Variants in WWOX observed in about 807,000 individuals in gnomAD.
The protein encoded by WWOX is WW domain-containing oxidoreductase.
A neutral mutation model predicts 46.2 loss-of-function variants in WWOX; 69 were observed. The ratio of observed to expected loss-of-function variants is 1.49; its 90% confidence interval spans 1.23 to 1.82. WWOX has a LOEUF of 1.82. WWOX is among the 40% of genes most tolerant of loss of function. The probability of loss-of-function intolerance (pLI) is 0.00; values close to 1 mark genes in which losing one functional copy is unlikely to be tolerated. For synonymous variants in WWOX, 359 were observed against 202.6 expected (o/e 1.77, Z -6.56); for missense variants, 919 against 542.6 (o/e 1.69, Z -6.89).
chr16:78,658,774 G>C (rs1369131261), intron 8 of WWOX, among the ~76,000 whole-genome samples: 1 of 151,966 alleles, frequency 6.6e-6, no homozygotes, highest in East Asian at 1.9e-4. Flanking sequence ...AGTTGCATCT[G>C]TGAAGATTCC....
At chr16:78,310,096 A>C (rs1161503437) in intron 5 of WWOX, among the ~76,000 whole-genome samples, 1 of 147,768 alleles carries the variant, frequency 6.8e-6, no homozygotes, top group African/African-American at 2.5e-5. Flanking sequence ...TCTTTCTATC[A>C]TCATCCATAG....
chr16:78,734,841 CTTTTTTTTTTTTTTTTTTTTT>C lies in WWOX; in HGVS notation c.1056+302111_1056+302131del, dbSNP rs60560119. On this transcript the variant is annotated intron_variant, in intron 8 of 8. Transcript: ENST00000566780. ...GATGACTCAGGTGGGGACTTCAGTC[CTTTTTTTTTTTTTTTTTTTTT>C]TTTTTTTTTTTTTTTTTTTTTGAGA... Among the ~76,000 whole-genome samples, 124 of 40,118 alleles carry C rather than the reference CTTTTTTTTTTTTTTTTTTTTT, an allele frequency of 3.1e-3. 1 individual carries two copies. The South Asian group carries it at 0.058, about 19-fold the overall frequency. The allele number at this position is 40,118 out of a possible 152,430, so 26.3% of individuals were successfully genotyped here.
intron 8 of WWOX, among the ~76,000 whole-genome samples, chr16:78,750,451 T>C (rs567447489): frequency 6.6e-6 from 1 of 152,326 alleles, no homozygotes; most frequent in South Asian, 2.1e-4. Flanking sequence ...CATTTATTTA[T>C]CATGTGTAAG....
intron 8 of WWOX, among the ~76,000 whole-genome samples, chr16:78,870,049 C>G (rs891086129): frequency 1.3e-5 from 2 of 152,204 alleles, no homozygotes; most frequent in Admixed American, 6.5e-5. Flanking sequence ...CTTCCATCAA[C>G]TACAAATCAT....
intron 5 of WWOX, among the ~76,000 whole-genome samples, chr16:78,202,246 G>C (rs2151776932): frequency 1.3e-5 from 2 of 152,292 alleles, no homozygotes; most frequent in Admixed American, 1.3e-4. Context: ...TTACTGACGT[G>C]GAAGAGTTGT....
At chr16:78,249,885 A>C (rs2037934865) in intron 5 of WWOX, among the ~76,000 whole-genome samples, 1 of 152,192 alleles carries the variant, frequency 6.6e-6, no homozygotes, top group African/African-American at 2.4e-5. Flanking sequence ...CACCAGAAGG[A>C]GAAATGGGAG....
intron 8 of WWOX, chr16:78,825,599 A>G: frequency 1.9e-6 from 1 of 530,010 alleles, no homozygotes; most frequent in Non-Finnish European, 3.8e-6. Context: ...TGCAGTACAA[A>G]CTCCTAGGAG....
chr16:78,424,994 C>G lies in WWOX; in HGVS notation c.730C>G (p.Gln244Glu), dbSNP rs752354290. The G allele has an allele frequency of 4.3e-6, 7 of 1,614,028 alleles. No homozygotes were observed. The highest frequency in any genetic ancestry group is 5.9e-6 in the Non-Finnish European group (7 of 1,180,034). ...GCACTTCTACCTTGTCCAGCTCCTC[C>G]AGGATGTTTTGTGCCGCTCAGCTCC... ...LGHFYLVQLL[Q>E]DVLCRSAPAR... The change falls in exon 7 of 9, where the codon CAG becomes GAG. Residue 244 changes from glutamine (Q) to glutamate (E), a missense_variant. Coordinates refer to ENST00000566780, the MANE Select transcript of WWOX (RefSeq NM_016373.4).
intron 5 of WWOX, among the ~76,000 whole-genome samples, chr16:78,182,278 G>C (rs565137679): frequency 6.6e-5 from 10 of 152,248 alleles, no homozygotes; most frequent in African/African-American, 2.4e-4. Context: ...GGTACCTAGC[G>C]TGTGCTTTCC....
At chr16:78,679,897 C>T (rs950688655) in intron 8 of WWOX, among the ~76,000 whole-genome samples, 1 of 152,168 alleles carries the variant, frequency 6.6e-6, no homozygotes, top group African/African-American at 2.4e-5. Flanking sequence ...GCAGCAGCTT[C>T]CCAGACACTC....
chr16:78,758,953 A>G (rs575216269), intron 8 of WWOX, among the ~76,000 whole-genome samples: 58 of 151,242 alleles, frequency 3.8e-4, no homozygotes, highest in African/African-American at 1.4e-3. Flanking sequence ...AAAAAAAAAC[A>G]AAAAACCTTC....
Position 78,888,662 on chromosome 16 carries a change from G to C in WWOX, c.1057-322946G>C, listed in dbSNP as rs147084497. Among the ~76,000 whole-genome samples, 1,271 of 152,240 alleles carry C rather than the reference G, an allele frequency of 8.3e-3. 19 individuals are homozygous for C. The highest frequency in any genetic ancestry group is 0.029 in the African/African-American group (1,221 of 41,534). On this transcript the variant is annotated intron_variant, in intron 8 of 8. Transcript: ENST00000566780. ...ACTTATTTTTATGTTGCCACTAGGA[G>C]TCTTCTGAGATGCTCTTGTGGCTGG...
chr16:78,386,936 A>G lies in WWOX; in HGVS notation c.593A>G (p.Lys198Arg). Residue 198 changes from lysine (K) to arginine (R), a missense_variant, in exon 6 of 9, where the codon AAG (lysine) becomes AGG (arginine). By Grantham distance (26) the Lys-to-Arg change is conservative (BLOSUM62 2). Transcript: ENST00000566780. ...RSVQHFAEAFKAKNVPLHVLV... is the reference protein window; with the variant it reads ...RSVQHFAEAFRAKNVPLHVLV... ...GTGCAGCATTTTGCTGAAGCATTCAAGGCCAAGAATGTGTGAGTGTTCCAG... is the reference window on the plus strand; with the variant it reads ...GTGCAGCATTTTGCTGAAGCATTCAGGGCCAAGAATGTGTGAGTGTTCCAG... The G allele has an allele frequency of 6.2e-7, 1 of 1,614,104 alleles. No homozygotes were observed. Among genetic ancestry groups the G allele is most frequent in the Non-Finnish European group, 8.5e-7 (1 of 1,179,966 alleles).
chr16:79,096,749 T>G (rs2049082707), intron 8 of WWOX, among the ~76,000 whole-genome samples: 1 of 152,194 alleles, frequency 6.6e-6, no homozygotes. Context: ...TTCACCTGTT[T>G]TGTTTATGCC....
chr16:78,972,722 C>G (rs1031291919), intron 8 of WWOX, among the ~76,000 whole-genome samples: 1 of 152,204 alleles, frequency 6.6e-6, no homozygotes, highest in African/African-American at 2.4e-5. Flanking sequence ...TCAGGTCACC[C>G]AAGACTCCCA....
intron 8 of WWOX, among the ~76,000 whole-genome samples, chr16:79,066,226 G>T (rs1334033148): frequency 6.6e-6 from 1 of 152,068 alleles, no homozygotes; most frequent in Non-Finnish European, 1.5e-5. Context: ...TTCCAGAGAG[G>T]CCTCCCTTAA....
intron 8 of WWOX, among the ~76,000 whole-genome samples, chr16:78,701,501 A>C (rs908384473): frequency 2.7e-5 from 4 of 150,746 alleles, no homozygotes; most frequent in African/African-American, 7.3e-5. Flanking sequence ...ACCTCTCTCT[A>C]CCTCTATCTC....
intron 8 of WWOX, among the ~76,000 whole-genome samples, chr16:78,730,863 C>G (rs960948767): frequency 7.2e-5 from 11 of 152,036 alleles, no homozygotes; most frequent in African/African-American, 2.7e-4. Flanking sequence ...CACCAGGAAT[C>G]TTGGCAACTT....
intron 6 of WWOX, among the ~76,000 whole-genome samples, chr16:78,411,241 G>C (rs2082673754): frequency 6.6e-6 from 1 of 152,160 alleles, no homozygotes; most frequent in Non-Finnish European, 1.5e-5. Context: ...CCCTGCCTAG[G>C]ACAGTGCGTT....
Sources: allele counts gnomAD v4.1 joint callset (sites outside exome capture counted in the v4.1 genomes callset), GRCh38; gene constraint gnomAD v4.1.1; transcripts MANE v1.5; gene names NCBI Gene and HGNC (gene_info 2026-07-23, HGNC 2026-07-21).